NRG1: variants seen among roughly 807,000 people sequenced by gnomAD.
NRG1 encodes the protein pro-neuregulin-1, membrane-bound isoform.
NRG1 carries 18 observed loss-of-function variants against 63.8 expected under a neutral mutation model. The observed-to-expected ratio is 0.28, with a 90% CI of 0.19 to 0.42. The LOEUF (loss-of-function observed/expected upper bound fraction) is 0.42. Among genes scored for constraint, NRG1 ranks in the 10% least tolerant of loss-of-function variants. NRG1 has a pLI of 1.00. For missense variants in NRG1, 762 were observed against 814.7 expected (o/e 0.94, Z 0.79); for synonymous variants, 302 against 301.3 (o/e 1.00, Z -0.02).
chr8:31,847,696 T>C (rs1394255812), intron 1 of NRG1, among the ~76,000 whole-genome samples: 2 of 152,248 alleles, frequency 1.3e-5, no homozygotes, highest in East Asian at 1.9e-4. Context: ...ATCTTATTCA[T>C]GTCTGTGAAA....
At chr8:31,684,579 G>T (rs1463383328) in intron 1 of NRG1, among the ~76,000 whole-genome samples, 4 of 152,124 alleles carry the variant, frequency 2.6e-5, no homozygotes, top group Non-Finnish European at 5.9e-5. Context: ...GTTTATTTTA[G>T]CACAAGGCTT....
chr8:32,560,023 A>T (rs1836074403), intron 1 of NRG1, among the ~76,000 whole-genome samples: 1 of 152,132 alleles, frequency 6.6e-6, no homozygotes, highest in South Asian at 2.1e-4. Flanking sequence ...TGTCAAAATA[A>T]AATAAAATAA....
chr8:32,067,337 G>A (rs921603623), intron 1 of NRG1, among the ~76,000 whole-genome samples: 4 of 152,170 alleles, frequency 2.6e-5, no homozygotes, highest in Non-Finnish European at 5.9e-5. Context: ...GTCATAGACA[G>A]CGCTTATTAT....
intron 1 of NRG1, among the ~76,000 whole-genome samples, chr8:32,543,143 AT>A: frequency 6.6e-6 from 1 of 152,354 alleles, no homozygotes; most frequent in Non-Finnish European, 1.5e-5. Flanking sequence ...TATAAAATAA[AT>A]GGATACAAGG....
chr8:32,090,057 G>A (rs1012502994), intron 1 of NRG1, among the ~76,000 whole-genome samples: 2 of 152,084 alleles, frequency 1.3e-5, no homozygotes, highest in African/African-American at 4.8e-5. Context: ...ATATTGACAA[G>A]AGCATAAATC....
chr8:31,959,801 ATTTATTTAT>A (rs1805130745), intron 1 of NRG1, among the ~76,000 whole-genome samples: 3 of 109,490 alleles, frequency 2.7e-5, no homozygotes, highest in Middle Eastern at 5.0e-3. Context: ...TTTATTATTT[ATTTATTTAT>A]TTATTTATTT....
At chr8:32,289,332 C>T (rs959855078) in intron 1 of NRG1, among the ~76,000 whole-genome samples, 3 of 152,048 alleles carry the variant, frequency 2.0e-5, no homozygotes, top group African/African-American at 7.2e-5. Context: ...AAGGACCCCT[C>T]TTGTTCTCCA....
rs567352132 is a variant in NRG1 at position 31,902,905 on chromosome 8, T to C, written c.37+263474T>C. Reference sequence around the variant, plus strand: ...TGACTCACTTTCGTCCAATAGAACGTAACAGGAATAATGCTACAGTCCAGG... The same window carrying C: ...TGACTCACTTTCGTCCAATAGAACGCAACAGGAATAATGCTACAGTCCAGG... On this transcript the variant is annotated intron_variant, in intron 1 of 10. Coordinates refer to the NRG1 transcript ENST00000519301. Among the ~76,000 whole-genome samples the C allele has an allele frequency of 2.0e-5, 3 of 152,224 alleles. No homozygotes were observed. In the East Asian group the frequency reaches 5.8e-4, roughly 29 times the overall value.
At chr8:32,349,942 C>A (rs866831974) in intron 1 of NRG1, among the ~76,000 whole-genome samples, 48 of 152,312 alleles carry the variant, frequency 3.2e-4, no homozygotes, top group African/African-American at 1.1e-3. Flanking sequence ...ATGTGACGGG[C>A]AGGTCACCTC....
upstream of NRG1, among the ~76,000 whole-genome samples, chr8:32,547,590 AACACACACAC>A (rs33943729): frequency 6.1e-5 from 9 of 148,492 alleles, no homozygotes; most frequent in African/African-American, 2.0e-4. Context: ...GCACTTACTA[AACACACACAC>A]ACACACACAC....
chr8:32,165,081 C>T (rs1839257995), intron 1 of NRG1, among the ~76,000 whole-genome samples: 1 of 151,830 alleles, frequency 6.6e-6, no homozygotes, highest in Non-Finnish European at 1.5e-5. Context: ...AATTGCACAG[C>T]ATATTTAGTG....
intron 5 of NRG1, among the ~76,000 whole-genome samples, chr8:32,679,840 G>A (rs995694950): frequency 3.9e-5 from 6 of 152,200 alleles, no homozygotes; most frequent in Admixed American, 3.9e-4. Flanking sequence ...AATGAAGGAA[G>A]TTATTGCTAA....
At chr8:32,472,118 T>C (rs963490415) in intron 1 of NRG1, among the ~76,000 whole-genome samples, 2 of 152,098 alleles carry the variant, frequency 1.3e-5, no homozygotes, top group Non-Finnish European at 2.9e-5. Context: ...ACAAAACTGG[T>C]GTAGGGAGAG....
intron 1 of NRG1, among the ~76,000 whole-genome samples, chr8:32,331,866 G>C (rs1323352292): frequency 6.6e-6 from 1 of 152,090 alleles, no homozygotes; most frequent in African/African-American, 2.4e-5. Context: ...CAAAATGTTT[G>C]CATGCCATTA....
At chr8:31,848,185 T>C (rs1826868114) in intron 1 of NRG1, among the ~76,000 whole-genome samples, 1 of 152,242 alleles carries the variant, frequency 6.6e-6, no homozygotes, top group Non-Finnish European at 1.5e-5. Context: ...ATTTACATAC[T>C]CTGTGATTTC....
At chr8:32,024,024 C>A (rs1316505139) in intron 1 of NRG1, among the ~76,000 whole-genome samples, 3 of 152,218 alleles carry the variant, frequency 2.0e-5, no homozygotes, top group African/African-American at 7.2e-5. Flanking sequence ...AGAGGTTACA[C>A]TGGCTGCTGC....
chr8:32,406,026 G>A (rs1186107084), intron 1 of NRG1, among the ~76,000 whole-genome samples: 1 of 152,088 alleles, frequency 6.6e-6, no homozygotes, highest in Non-Finnish European at 1.5e-5. Flanking sequence ...AGGGCAATTG[G>A]GCTATGTGTC....
intron 1 of NRG1, among the ~76,000 whole-genome samples, chr8:32,445,357 C>G (rs1820111506): frequency 6.6e-6 from 1 of 152,026 alleles, no homozygotes; most frequent in Admixed American, 6.6e-5. Context: ...GATGCAGAAC[C>G]CATGGATATG....
At chr8:32,755,196 AG>A (rs1303160644) in intron 8 of NRG1, among the ~76,000 whole-genome samples, 1 of 152,170 alleles carries the variant, frequency 6.6e-6, no homozygotes, top group Non-Finnish European at 1.5e-5. Flanking sequence ...TTGGTCTTGA[AG>A]TTTGGTCCGT....
Sources: allele counts gnomAD v4.1 joint callset (sites outside exome capture counted in the v4.1 genomes callset), GRCh38; gene constraint gnomAD v4.1.1; transcripts MANE v1.5; gene names NCBI Gene and HGNC (gene_info 2026-07-23, HGNC 2026-07-21).